The following MYO18A variants were observed in gnomAD, a reference collection of about 807,000 sequenced individuals.
MYO18A encodes the protein unconventional myosin-XVIIIa.
In MYO18A, 78 loss-of-function variants were observed where a neutral mutation model predicts 235.8. The observed-to-expected ratio is 0.33, with a 90% CI of 0.28 to 0.40. The LOEUF (loss-of-function observed/expected upper bound fraction) is 0.40. MYO18A is among the 10% of genes least tolerant of loss of function. The pLI, the probability that MYO18A is intolerant of heterozygous loss-of-function variation, is 1.00. For synonymous variants in MYO18A, 977 were observed against 1,077.8 expected (o/e 0.91, Z 1.83); for missense variants, 2,215 against 2,699.3 (o/e 0.82, Z 3.98).
chr17:29,098,154 G>C lies in MYO18A; in HGVS notation c.3941C>G (p.Ala1314Gly). The part of the protein sequence containing the change: ...TGESASQLLD[A>G]ETAERLRAEK... Reference sequence around the variant, plus strand: ...AGCCCGGAGCCTCTCTGCTGTCTCCGCGTCCAGCAGCTGGGAGGCGGACTC... The same window carrying C: ...AGCCCGGAGCCTCTCTGCTGTCTCCCCGTCCAGCAGCTGGGAGGCGGACTC... Residue 1314 changes from alanine (A) to glycine (G), a missense_variant, in exon 25 of 42, where the codon GCG (alanine) becomes GGG (glycine). Ala to Gly is a moderately conservative substitution (Grantham distance 60). Coordinates refer to ENST00000527372, the MANE Select transcript of MYO18A (RefSeq NM_078471.4). 1 of 1,613,844 alleles carries C rather than the reference G, an allele frequency of 6.2e-7. No individual in the cohort carries two copies. The highest frequency in any genetic ancestry group is 8.5e-7 in the Non-Finnish European group (1 of 1,179,872).
chr17:29,133,913 A>C (rs2067534483), intron 2 of MYO18A: 1 of 1,251,802 alleles, frequency 8.0e-7, no homozygotes, highest in Admixed American at 2.3e-5. Flanking sequence ...GAGTCTTCCC[A>C]AAGGCCAGAA....
At chr17:29,103,482 G>T in intron 21 of MYO18A, 117 bp downstream of exon 21, 1 of 1,040,152 alleles carries the variant, frequency 9.6e-7, no homozygotes. Context: ...GCAAGACTCA[G>T]AGGGCACCAG....
chr17:29,088,812 C>T (rs143170684), intron 37 of MYO18A, among the ~76,000 whole-genome samples: 3,580 of 152,020 alleles, frequency 0.024, 119 homozygotes, highest in African/African-American at 0.079. Context: ...CTGAGGCAGG[C>T]GGATTGCTTG....
In MYO18A at chr17:29,125,709, G is replaced by C. The variant is rs1384844747; in HGVS notation, c.1000-3456C>G. 2.0e-5 allele frequency among the ~76,000 whole-genome samples: 3 copies of C among 152,202 alleles called. No individual in the cohort carries two copies. The highest frequency in any genetic ancestry group is 4.4e-5 in the Non-Finnish European group (3 of 68,026). Reference sequence around the variant, plus strand: ...CATGCACAGGACTTTGGGCTCTCTGGAGGAACCACTCTCCCCAGAGCACTT... The same window carrying C: ...CATGCACAGGACTTTGGGCTCTCTGCAGGAACCACTCTCCCCAGAGCACTT... On this transcript the variant is annotated intron_variant, in intron 2 of 41. Coordinates refer to ENST00000527372, the MANE Select transcript of MYO18A (RefSeq NM_078471.4). This position sits in a 1 kb window ranked among gnomAD's most constrained non-coding sequence, Gnocchi z 5.1.
At chr17:29,147,140 C>G (rs1440274092) in intron 2 of MYO18A, among the ~76,000 whole-genome samples, 1 of 152,228 alleles carries the variant, frequency 6.6e-6, no homozygotes, top group Non-Finnish European at 1.5e-5. Context: ...CAGCTCCTTA[C>G]ACACCACCAC....
Position 29,106,684 on chromosome 17 carries a change from T to C in MYO18A, c.3441+396A>G, listed in dbSNP as rs2066794370. On this transcript the variant is annotated intron_variant, in intron 20 of 41. Transcript: ENST00000527372. The surrounding 1 kb of genome is among the most constrained non-coding windows in gnomAD (Gnocchi z 4.6). ...CTGGCACCACGGAGGTCTCACCATA[T>C]CCACCTTCCTTCTAGGAGGAATGTT... Among the ~76,000 whole-genome samples, 1 of 152,190 alleles carries C rather than the reference T, an allele frequency of 6.6e-6. No homozygotes were observed. The highest frequency in any genetic ancestry group is 2.4e-5 in the African/African-American group (1 of 41,446).
rs1334377309 is a variant in MYO18A, at chr17:29,097,963, C to G, written c.3991-64G>C. On this transcript the variant is annotated intron_variant, in intron 25 of 41. Coordinates refer to ENST00000527372, the MANE Select transcript of MYO18A (RefSeq NM_078471.4). ...CCTCATACCCACTCCCCGAACCACA[C>G]AGACCATGATCACATGCTTACCAAG... 7 of 1,576,642 alleles carry G rather than the reference C, an allele frequency of 4.4e-6. No individual in the cohort carries two copies. In the East Asian group the frequency reaches 1.6e-4, roughly 35 times the overall value.
At chr17:29,104,745 C>A (rs747777180) in intron 20 of MYO18A, among the ~76,000 whole-genome samples, 1 of 151,900 alleles carries the variant, frequency 6.6e-6, no homozygotes, top group Non-Finnish European at 1.5e-5. Flanking sequence ...ACTTCAGGGG[C>A]AAGTGGAAAA....
Position 29,074,667 on chromosome 17 carries a change from T to A in MYO18A, c.*103A>T. On this transcript the variant is annotated 3_prime_UTR_variant, in exon 42 of 42. Transcript: ENST00000527372. The surrounding 1 kb of genome is among the most constrained non-coding windows in gnomAD (Gnocchi z 4.4). Reference sequence around the variant, plus strand: ...AAGGTCAGGGTGTTTCCCATGCAGATCAGCAGTCGGGTGGGGGAGACCGGT... The same window carrying A: ...AAGGTCAGGGTGTTTCCCATGCAGAACAGCAGTCGGGTGGGGGAGACCGGT... 1 of 1,306,442 alleles carries A rather than the reference T, an allele frequency of 7.7e-7. No homozygotes were observed. The highest frequency in any genetic ancestry group is 1.1e-6 in the Non-Finnish European group (1 of 915,562). The allele number at this position is 1,306,442 out of a possible 1,614,324, so 80.9% of individuals were successfully genotyped here.
rs2066935322 is a variant in MYO18A at position 29,111,814 on chromosome 17, A to G, written c.2648T>C (p.Leu883Ser). The change falls in exon 16 of 42, where the codon TTG becomes TCG. Residue 883 changes from leucine (L) to serine (S), a missense_variant. Coordinates refer to ENST00000527372, the MANE Select transcript of MYO18A (RefSeq NM_078471.4). This position sits in a 1 kb window ranked among gnomAD's most constrained non-coding sequence, Gnocchi z 5.1. ...TDEARGLLWL[L>S]EEEALVPGAS... is the part of the protein sequence containing the mutation. The stretch of plus-strand genomic sequence containing the variant: ...CCCTGGCACCAGAGCCTCCTCTTCC[A>G]ATAGCCAGAGCAGGCCCCTCGCCTC... 6.2e-7 allele frequency: 1 copy of G among 1,613,672 alleles called. No homozygotes were observed. The highest frequency in any genetic ancestry group is 8.5e-7 in the Non-Finnish European group (1 of 1,179,754).
chr17:29,111,531 G>A lies in MYO18A; in HGVS notation c.2793C>T (p.His931=). The part of the protein sequence containing the change: ...SSKPHHFLLG[H]SHGTNWVEYN... ...ACTCTACCCAGTTGGTGCCATGGCT[G>A]TGGCCCAGGAGAAAGTGGTGTGGTT... is the stretch of plus-strand genomic sequence containing the variant. Residue 931 remains histidine (H), a synonymous_variant, in exon 17 of 42, where the codon CAC becomes CAT. Transcript: ENST00000527372. The surrounding 1 kb of genome is among the most constrained non-coding windows in gnomAD (Gnocchi z 5.1). 1 of 1,613,778 alleles carries A rather than the reference G, an allele frequency of 6.2e-7. No individual in the cohort carries two copies. Among genetic ancestry groups the A allele is most frequent in the Non-Finnish European group, 8.5e-7 (1 of 1,179,808 alleles).
In MYO18A at chr17:29,073,938, T is replaced by C; in HGVS notation, c.*832A>G. On this transcript the variant is annotated 3_prime_UTR_variant, in exon 42 of 42. Transcript: ENST00000527372. ...AGGGAGGCAGTGCTTGGATCAGCCC[T>C]GAACTGCTGTAGTTGGAATGGGTTT... is the stretch of plus-strand genomic sequence containing the variant. 6.2e-7 allele frequency: 1 copy of C among 1,614,086 alleles called. No individual in the cohort carries two copies. The highest frequency in any genetic ancestry group is 8.5e-7 in the Non-Finnish European group (1 of 1,180,002).
chr17:29,080,098 G>T (rs1163969038), intron 41 of MYO18A: 1 of 985,824 alleles, frequency 1.0e-6, no homozygotes, highest in African/African-American at 1.7e-5. Context: ...GCGGGACCGG[G>T]ACACATCAGC....
chr17:29,074,981 G>T lies in MYO18A; in HGVS notation c.6021-67C>A, dbSNP rs921722448. 2.5e-6 allele frequency: 4 copies of T among 1,583,638 alleles called. No homozygotes were observed. The African/African-American group carries it at 5.4e-5, about 21-fold the overall frequency. On this transcript the variant is annotated intron_variant, in intron 41 of 41. Transcript: ENST00000527372. The surrounding 1 kb of genome is among the most constrained non-coding windows in gnomAD (Gnocchi z 4.4). The stretch of plus-strand genomic sequence containing the variant: ...CTACCATTAAGCACGCACGCCTTTG[G>T]TTCTGGAGGCCCACAAAGCTGCGTC...
intron 2 of MYO18A, among the ~76,000 whole-genome samples, chr17:29,154,972 C>G (rs1405358172): frequency 6.6e-6 from 1 of 152,214 alleles, no homozygotes; most frequent in Non-Finnish European, 1.5e-5. Flanking sequence ...CGCCATGTCC[C>G]TGGAAGGTTC....
At chr17:29,107,910 T>C (rs1334946543) in intron 19 of MYO18A, among the ~76,000 whole-genome samples, 41 of 132,984 alleles carry the variant, frequency 3.1e-4, no homozygotes, top group Non-Finnish European at 5.6e-4. Context: ...AGCAAGACTG[T>C]GTCTCAAAAA....
intron 2 of MYO18A, among the ~76,000 whole-genome samples, chr17:29,141,162 G>A (rs2067731321): frequency 6.6e-6 from 1 of 152,206 alleles, no homozygotes; most frequent in Non-Finnish European, 1.5e-5. Context: ...GGTGGGGTGG[G>A]CCTCAGCCCT....
At chr17:29,165,899 T>C (rs186020721) in intron 2 of MYO18A, 43 bp downstream of exon 2, 2 of 1,564,702 alleles carry the variant, frequency 1.3e-6, no homozygotes, top group East Asian at 2.3e-5. Flanking sequence ...GGTGCCCACA[T>C]TCCCCATCCC....
chr17:29,148,496 C>G (rs2067894767), intron 2 of MYO18A, among the ~76,000 whole-genome samples: 3 of 152,166 alleles, frequency 2.0e-5, no homozygotes, highest in African/African-American at 7.2e-5. Context: ...AGCCCTAGGG[C>G]CAGTACTAGA....
Sources: allele counts gnomAD v4.1 joint callset (sites outside exome capture counted in the v4.1 genomes callset), GRCh38; gene constraint gnomAD v4.1.1; non-coding constraint Gnocchi (gnomAD v3.1); transcripts MANE v1.5; gene names NCBI Gene and HGNC (gene_info 2026-07-23, HGNC 2026-07-21).